Variants in NUSAP1 observed in about 807,000 individuals in gnomAD.
The protein encoded by NUSAP1 is nucleolar and spindle-associated protein 1.
A neutral mutation model predicts 52.8 loss-of-function variants in NUSAP1; 32 were observed. The observed-to-expected ratio is 0.61, with a 90% CI of 0.46 to 0.81. The LOEUF (loss-of-function observed/expected upper bound fraction) is 0.81, where lower values mean the gene tolerates loss of function less well. NUSAP1 is among the 40% of genes least tolerant of loss of function. The pLI is 0.00. For synonymous variants in NUSAP1, 195 were observed against 183.1 expected (o/e 1.06, Z -0.52); for missense variants, 499 against 522.3 (o/e 0.96, Z 0.43).
At chr15:41,369,564 C>T (rs940224207) in intron 7 of NUSAP1, among the ~76,000 whole-genome samples, 5 of 151,002 alleles carry the variant, frequency 3.3e-5, no homozygotes, top group Non-Finnish European at 1.5e-5. Context: ...AAGAGAATCG[C>T]GTGAACCCAG....
At position 41,380,821 on chromosome 15, in the gene NUSAP1, C is replaced by T. The variant is rs1402090558; in HGVS notation, c.*635C>T. The T allele has an allele frequency of 2.6e-5, 4 of 152,206 alleles. No homozygotes were observed. The highest frequency in any genetic ancestry group is 2.6e-4 in the Admixed American group (4 of 15,250). The allele number at this position is 152,206 out of a possible 1,614,324, so 9.4% of individuals were successfully genotyped here. A position where few individuals can be genotyped will look rare whatever the true frequency, so the allele number is the denominator to read the frequency against. On this transcript the variant is annotated 3_prime_UTR_variant, in exon 11 of 11. Transcript: ENST00000559596. ...TCTAACATTGCTTACTTAAAAGCTACATAGCCCTATCGAAATGCGAGGATT... is the reference window on the plus strand; with the variant it reads ...TCTAACATTGCTTACTTAAAAGCTATATAGCCCTATCGAAATGCGAGGATT...
chr15:41,366,774 G>A (rs998217493), intron 7 of NUSAP1, among the ~76,000 whole-genome samples: 14 of 152,016 alleles, frequency 9.2e-5, no homozygotes, highest in African/African-American at 3.4e-4. Context: ...TTTCTTTGAA[G>A]GTGACTTGTT....
chr15:41,374,998 C>G (rs2049861762), intron 8 of NUSAP1, among the ~76,000 whole-genome samples: 1 of 146,608 alleles, frequency 6.8e-6, no homozygotes, highest in Admixed American at 6.9e-5. Flanking sequence ...CGTGCCACCA[C>G]ACCTAGCTAA....
At chr15:41,363,285 A>T (rs748122028) in intron 6 of NUSAP1, among the ~76,000 whole-genome samples, 2 of 134,726 alleles carry the variant, frequency 1.5e-5, no homozygotes, top group Admixed American at 7.6e-5. Flanking sequence ...GTCTCCATCT[A>T]AAAAAAAAAA....
chr15:41,380,331 C>T lies in NUSAP1; in HGVS notation c.*145C>T. On this transcript the variant is annotated 3_prime_UTR_variant, in exon 11 of 11. Coordinates refer to ENST00000559596, the MANE Select transcript of NUSAP1 (RefSeq NM_016359.5). ...GTCTGTGTAGTGTCCATGGGTTCTT[C>T]ATGTGCTATGATCTCTGAAAAGACG... 1 of 573,864 alleles carries T rather than the reference C, an allele frequency of 1.7e-6. No homozygotes were observed. Among genetic ancestry groups the T allele is most frequent in the Non-Finnish European group, 3.1e-6 (1 of 322,472 alleles). 35.5% of individuals were successfully genotyped at this position (573,864 alleles called of 1,614,324 possible).
intron 7 of NUSAP1, among the ~76,000 whole-genome samples, chr15:41,370,728 C>T (rs143436128): frequency 1.9e-3 from 266 of 137,906 alleles, no homozygotes; most frequent in African/African-American, 4.9e-3. Flanking sequence ...CCAGCCTGGG[C>T]GACCGAGCAA....
intron 6 of NUSAP1, among the ~76,000 whole-genome samples, chr15:41,361,120 G>T (rs74872076): frequency 0.016 from 2,341 of 150,332 alleles, 70 homozygotes; most frequent in African/African-American, 0.055. Context: ...AGGCCAGGGC[G>T]TGGTGGCTCA....
Position 41,380,465 on chromosome 15 carries a change from TCAAGTTCC to T in NUSAP1, c.*289_*296del. On this transcript the variant is annotated 3_prime_UTR_variant, in exon 11 of 11. Transcript: ENST00000559596. ...AAATTCTGTTTCTAGATTTTTAATG[TCAAGTTCC>T]CAAGTTCCCCCTGCTGGTTCTAATA... 4.1e-6 allele frequency: 1 copy of T among 242,272 alleles called. No individual in the cohort carries two copies. The highest frequency in any genetic ancestry group is 8.1e-6 in the Non-Finnish European group (1 of 124,176). 15.0% of individuals were successfully genotyped at this position (242,272 alleles called of 1,614,324 possible).
In NUSAP1 at chr15:41,380,307, T is replaced by C. The variant is rs1166209535; in HGVS notation, c.*121T>C. ...ATCTTTTTCTGCTAACTGTTCATAG[T>C]CTGTGTAGTGTCCATGGGTTCTTCA... On this transcript the variant is annotated 3_prime_UTR_variant, in exon 11 of 11. Coordinates refer to ENST00000559596, the MANE Select transcript of NUSAP1 (RefSeq NM_016359.5). 1 of 652,108 alleles carries C rather than the reference T, an allele frequency of 1.5e-6. No homozygotes were observed. The highest frequency in any genetic ancestry group is 1.8e-5 in the African/African-American group (1 of 54,688). The allele number at this position is 652,108 out of a possible 1,614,324, so 40.4% of individuals were successfully genotyped here. A position where few individuals can be genotyped will look rare whatever the true frequency, so the allele number is the denominator to read the frequency against.
intron 1 of NUSAP1, among the ~76,000 whole-genome samples, chr15:41,338,597 C>T (rs1300656179): frequency 6.6e-6 from 1 of 152,146 alleles, no homozygotes; most frequent in Non-Finnish European, 1.5e-5. Context: ...CAACTCTTAC[C>T]TCACAATAGT....
chr15:41,338,705 C>T (rs187335658), intron 1 of NUSAP1, among the ~76,000 whole-genome samples: 3 of 152,242 alleles, frequency 2.0e-5, no homozygotes, highest in Admixed American at 2.0e-4. Flanking sequence ...CCTGTAATCC[C>T]AGCACTTTGA....
At chr15:41,349,310 C>T (rs2048696834) in intron 3 of NUSAP1, 69 bp downstream of exon 3, 1 of 1,446,400 alleles carries the variant, frequency 6.9e-7, no homozygotes, top group African/African-American at 1.4e-5. Context: ...ATGGAGATTT[C>T]TTTTTAAATT....
chr15:41,359,636 CTT>C (rs1282401821), intron 6 of NUSAP1, among the ~76,000 whole-genome samples: 4 of 142,128 alleles, frequency 2.8e-5, no homozygotes. Flanking sequence ...CTTTTCTTTT[CTT>C]TTTTTTTTTT....
At chr15:41,350,944 C>G (rs1430479319) in intron 3 of NUSAP1, 44 bp from the exon 4 acceptor site, 2 of 1,532,590 alleles carry the variant, frequency 1.3e-6, no homozygotes, top group Non-Finnish European at 1.8e-6. Context: ...GGCAGCAATT[C>G]TTATTTATCA....
chr15:41,357,009 C>T (rs1164343725), intron 5 of NUSAP1, among the ~76,000 whole-genome samples: 2 of 152,134 alleles, frequency 1.3e-5, no homozygotes, highest in African/African-American at 4.8e-5. Context: ...CAAACTGTTG[C>T]CTGCCTTGGC....
Position 41,340,892 on chromosome 15 carries a change from C to G in NUSAP1, c.94-1494C>G, listed in dbSNP as rs2048343783. Among the ~76,000 whole-genome samples, 2 of 152,102 alleles carry G rather than the reference C, an allele frequency of 1.3e-5. 1 individual carries two copies. The highest frequency in any genetic ancestry group is 4.1e-4 in the South Asian group (2 of 4,832). ...TGCACCACAAGCAAAAGCTTGAGCA[C>G]AAACCAAATTTCAGGATCTCTGCTA... is the stretch of plus-strand genomic sequence containing the variant. On this transcript the variant is annotated intron_variant, in intron 1 of 10. Transcript: ENST00000559596.
chr15:41,353,703 A>T (rs914047514), intron 4 of NUSAP1, among the ~76,000 whole-genome samples: 1 of 152,206 alleles, frequency 6.6e-6, no homozygotes, highest in South Asian at 2.1e-4. Context: ...GATTGCCTGA[A>T]GTTGAAAAAG....
intron 10 of NUSAP1, among the ~76,000 whole-genome samples, chr15:41,378,052 G>T (rs1344365849): frequency 6.6e-6 from 1 of 152,076 alleles, no homozygotes; most frequent in Non-Finnish European, 1.5e-5. Flanking sequence ...AGGTTCCAGT[G>T]TAATGGACTC....
At chr15:41,354,476 T>A (rs2048888256) in intron 4 of NUSAP1, among the ~76,000 whole-genome samples, 1 of 151,052 alleles carries the variant, frequency 6.6e-6, no homozygotes, top group Non-Finnish European at 1.5e-5. Flanking sequence ...CTGCACTCCA[T>A]CCTGGGCGAC....
Sources: gnomAD v4.1 joint callset for allele counts (sites outside exome capture counted in the v4.1 genomes callset) on GRCh38, gnomAD v4.1.1 for gene constraint, MANE v1.5 for transcripts, NCBI Gene and HGNC (gene_info 2026-07-23, HGNC 2026-07-21) for gene names.